Variants in ZNF385D observed in about 807,000 individuals in gnomAD.
ZNF385D encodes the protein zinc finger protein 385D, also known as zinc finger protein 659.
In ZNF385D, 15 loss-of-function variants were observed where a neutral mutation model predicts 35.8. That is an observed-to-expected ratio of 0.42 (90% CI 0.28 to 0.64). The LOEUF (loss-of-function observed/expected upper bound fraction) is 0.64, where lower values mean the gene tolerates loss of function less well. Ranked by LOEUF, ZNF385D falls within the 30% of genes least tolerant of loss-of-function variation. ZNF385D has a pLI of 0.23. For synonymous variants in ZNF385D, 212 were observed against 186.8 expected (o/e 1.13, Z -1.10); for missense variants, 474 against 494.6 (o/e 0.96, Z 0.39).
At chr3:21,846,652 T>C (rs898791334) in intron 3 of ZNF385D, among the ~76,000 whole-genome samples, 3 of 151,970 alleles carry the variant, frequency 2.0e-5, no homozygotes, top group Non-Finnish European at 4.4e-5. Flanking sequence ...TCTAAGAGAA[T>C]GGAAAATGAC....
At chr3:21,991,422 A>G (rs564838247) in intron 3 of ZNF385D, among the ~76,000 whole-genome samples, 1 of 152,340 alleles carries the variant, frequency 6.6e-6, no homozygotes, top group East Asian at 1.9e-4. Flanking sequence ...AATAAATCAC[A>G]TTTGTTTTGT....
At chr3:21,733,206 G>A (rs184602639) in intron 1 of ZNF385D, among the ~76,000 whole-genome samples, 2 of 151,778 alleles carry the variant, frequency 1.3e-5, no homozygotes, top group Non-Finnish European at 1.5e-5. Context: ...CTTTACATCA[G>A]TCTATTTCTG....
At chr3:21,956,745 C>G (rs1473486976) in intron 3 of ZNF385D, among the ~76,000 whole-genome samples, 1 of 151,632 alleles carries the variant, frequency 6.6e-6, no homozygotes, top group African/African-American at 2.4e-5. Flanking sequence ...ATGTAATAAG[C>G]CTGGTTTCAA....
Position 21,839,835 on chromosome 3 carries a change from C to T in ZNF385D, c.326-174807G>A, listed in dbSNP as rs548375487. Among the ~76,000 whole-genome samples, 11 of 152,100 alleles carry T rather than the reference C, an allele frequency of 7.2e-5. No individual in the cohort carries two copies. The East Asian group carries it at 1.9e-3, about 27-fold the overall frequency. ...TCATTACTCCCACATGTATTACTGG[C>T]CAGAACTGATCTCCAGGTCTCCCTC... On this transcript the variant is annotated intron_variant, in intron 3 of 5. Coordinates refer to the ZNF385D transcript ENST00000494108.
At chr3:21,542,487 A>G (rs1442249900) in intron 3 of ZNF385D, among the ~76,000 whole-genome samples, 2 of 152,000 alleles carry the variant, frequency 1.3e-5, no homozygotes, top group Non-Finnish European at 2.9e-5. Context: ...AGCTAGGACT[A>G]CAGGTGCGCA....
At chr3:22,197,885 C>T (rs1215926050) in intron 2 of ZNF385D, among the ~76,000 whole-genome samples, 2 of 152,044 alleles carry the variant, frequency 1.3e-5, no homozygotes, top group Non-Finnish European at 2.9e-5. Flanking sequence ...CTTTATTGTG[C>T]TCAGACTTCA....
intron 3 of ZNF385D, among the ~76,000 whole-genome samples, chr3:22,146,045 A>G (rs1454951070): frequency 1.3e-5 from 2 of 152,170 alleles, no homozygotes; most frequent in African/African-American, 2.4e-5. Context: ...GATGACCACA[A>G]CACATCCGCA....
intron 2 of ZNF385D, among the ~76,000 whole-genome samples, chr3:22,251,079 G>A (rs1388551): frequency 0.062 from 9,434 of 152,048 alleles, 764 homozygotes; most frequent in African/African-American, 0.19. Flanking sequence ...ACTAACTACT[G>A]AGCCACTTGC....
chr3:21,572,555 G>T (rs903502145), intron 2 of ZNF385D, among the ~76,000 whole-genome samples: 1 of 152,136 alleles, frequency 6.6e-6, no homozygotes, highest in Non-Finnish European at 1.5e-5. Context: ...CTACACAGTG[G>T]TCTCTTCTTC....
At chr3:22,104,849 GAATT>G (rs1328470894) in intron 3 of ZNF385D, among the ~76,000 whole-genome samples, 1 of 152,128 alleles carries the variant, frequency 6.6e-6, no homozygotes, top group Non-Finnish European at 1.5e-5. Context: ...GAACTTGAGT[GAATT>G]AACTAAAAGC....
chr3:22,142,156 G>A (rs376682387), intron 3 of ZNF385D, among the ~76,000 whole-genome samples: 1 of 152,118 alleles, frequency 6.6e-6, no homozygotes, highest in Admixed American at 6.6e-5. Context: ...TTAGTCCACA[G>A]TATTATTGGG....
At chr3:21,625,317 C>A (rs546528305) in intron 2 of ZNF385D, among the ~76,000 whole-genome samples, 3 of 151,934 alleles carry the variant, frequency 2.0e-5, no homozygotes, top group African/African-American at 7.2e-5. Context: ...TGAAATGATC[C>A]AAAGGAGGAC....
intron 2 of ZNF385D, among the ~76,000 whole-genome samples, chr3:21,652,704 T>G (rs938765584): frequency 1.3e-4 from 19 of 144,594 alleles, no homozygotes; most frequent in African/African-American, 4.6e-4. Context: ...AATTCCCACC[T>G]ATGAGTGAGA....
intron 3 of ZNF385D, among the ~76,000 whole-genome samples, chr3:22,099,892 G>A (rs148742704): frequency 8.1e-4 from 110 of 135,484 alleles, no homozygotes; most frequent in African/African-American, 2.9e-3. Flanking sequence ...CCAAAGAACT[G>A]AGATCCTGGT....
intron 2 of ZNF385D, among the ~76,000 whole-genome samples, chr3:21,645,615 T>A (rs2065726916): frequency 6.6e-6 from 1 of 152,110 alleles, no homozygotes; most frequent in Non-Finnish European, 1.5e-5. Flanking sequence ...GATGTTTTTT[T>A]GTGAGCTCTG....
chr3:22,365,367 C>A (rs1696606548), intron 2 of ZNF385D, among the ~76,000 whole-genome samples: 1 of 151,938 alleles, frequency 6.6e-6, no homozygotes, highest in African/African-American at 2.4e-5. Context: ...AAAAAGAATT[C>A]TAAAAAATGG....
chr3:21,832,657 G>T (rs1238917228), intron 3 of ZNF385D, among the ~76,000 whole-genome samples: 2 of 152,146 alleles, frequency 1.3e-5, no homozygotes, highest in Non-Finnish European at 2.9e-5. Context: ...TCAGTTCAAT[G>T]ACAAAACGGG....
At position 21,730,439 on chromosome 3, in the gene ZNF385D, A is replaced by C. The variant is rs184594141; in HGVS notation, c.22+20456T>G. Among the ~76,000 whole-genome samples the C allele has an allele frequency of 8.5e-4, 129 of 152,314 alleles. 2 individuals carry two copies. The highest frequency in any genetic ancestry group is 2.1e-3 in the African/African-American group (86 of 41,574). On this transcript the variant is annotated intron_variant, in intron 1 of 7. Transcript: ENST00000281523. ...ATTTATTATCCTTGTAAATGCAGAG[A>C]TATCCAAACAACTGAAAAAAAATGG... is the stretch of plus-strand genomic sequence containing the variant.
chr3:21,848,836 G>A (rs2630803), intron 3 of ZNF385D, among the ~76,000 whole-genome samples: 29,290 of 151,890 alleles, frequency 0.19, 3,395 homozygotes, highest in Middle Eastern at 0.33. Flanking sequence ...CTTTTATCTC[G>A]TCTTACATAG....
Sources: allele counts gnomAD v4.1 joint callset (sites outside exome capture counted in the v4.1 genomes callset), GRCh38; gene constraint gnomAD v4.1.1; transcripts MANE v1.5; gene names NCBI Gene and HGNC (gene_info 2026-07-23, HGNC 2026-07-21).